The following PCDH15 variants were observed in gnomAD, a reference collection of about 807,000 sequenced individuals.
PCDH15 encodes protocadherin-15.
Under a neutral mutation model 178.5 loss-of-function variants are expected in PCDH15, and 129 were observed. The observed-to-expected ratio is 0.72, with a 90% CI of 0.63 to 0.84. PCDH15 has a LOEUF of 0.84. Ranked by LOEUF, PCDH15 falls within the 40% of genes least tolerant of loss-of-function variation. The probability of loss-of-function intolerance (pLI) is 0.00; values close to 1 mark genes in which losing one functional copy is unlikely to be tolerated. For synonymous variants in PCDH15, 800 were observed against 732.0 expected (o/e 1.09, Z -1.50); for missense variants, 2,230 against 2,099.9 (o/e 1.06, Z -1.21).
rs10628733 is a variant in PCDH15 at position 54,747,806 on chromosome 10, A to ATTTTTT, written c.-29+53113_-29+53118dup. ...AAAAATAAAATCACTCAATGGTTAC[A>ATTTTTT]TTTTTTTTTTTTTTTTTGAGACGGA... On this transcript the variant is annotated intron_variant, in intron 1 of 37. Coordinates refer to ENST00000644397, the MANE Select transcript of PCDH15 (RefSeq NM_001384140.1). Among the ~76,000 whole-genome samples, 216 of 135,552 alleles carry ATTTTTT rather than the reference A, an allele frequency of 1.6e-3. 1 individual carries two copies. Among genetic ancestry groups the ATTTTTT allele is most frequent in the African/African-American group, 4.5e-3 (160 of 35,954 alleles). The allele number at this position is 135,552 out of a possible 152,430, so 88.9% of individuals were successfully genotyped here.
intron 2 of PCDH15, among the ~76,000 whole-genome samples, chr10:55,554,342 T>C (rs1349638502): frequency 1.7e-4 from 26 of 152,084 alleles, no homozygotes; most frequent in Non-Finnish European, 2.9e-5. Flanking sequence ...TTTTTAAATT[T>C]ATTAATAGAC....
At chr10:55,343,775 A>G (rs1294665205) in intron 2 of PCDH15, among the ~76,000 whole-genome samples, 2 of 152,188 alleles carry the variant, frequency 1.3e-5, no homozygotes, top group African/African-American at 4.8e-5. Flanking sequence ...TAACTTATTC[A>G]AACAAGGAAA....
intron 1 of PCDH15, among the ~76,000 whole-genome samples, chr10:55,169,980 G>C (rs888356084): frequency 3.1e-5 from 1 of 32,042 alleles, no homozygotes; most frequent in Non-Finnish European, 5.8e-5. Flanking sequence ...TTTACTGATA[G>C]AATAAAGGAA....
Position 54,242,175 on chromosome 10 carries a change from TATATATATATATAC to T in PCDH15, c.877-5258_877-5245del, listed in dbSNP as rs1564769886. ...ATATATATATATATATATATATATA[TATATATATATATAC>T]ACACACACACATACATACATACACA... On this transcript the variant is annotated intron_variant, in intron 8 of 37. Transcript: ENST00000644397. 4.9e-3 allele frequency among the ~76,000 whole-genome samples: 435 copies of T among 89,494 alleles called. 13 individuals are homozygous for T. The highest frequency in any genetic ancestry group is 0.014 in the African/African-American group (274 of 20,284). The allele number at this position is 89,494 out of a possible 152,430, so 58.7% of individuals were successfully genotyped here.
intron 30 of PCDH15, 121 bp downstream of exon 30, chr10:53,831,194 T>C (rs751214120): frequency 3.3e-6 from 3 of 912,514 alleles, no homozygotes; most frequent in Non-Finnish European, 5.5e-6. Flanking sequence ...GACAGACAGA[T>C]AAAGCAATCT....
intron 29 of PCDH15, among the ~76,000 whole-genome samples, chr10:53,832,947 C>G (rs1031511726): frequency 6.6e-6 from 1 of 151,810 alleles, no homozygotes; most frequent in Non-Finnish European, 1.5e-5. Flanking sequence ...TTTTTTTAAA[C>G]AGATACGCTT....
chr10:54,527,591 A>G (rs2083475740), intron 3 of PCDH15, among the ~76,000 whole-genome samples: 1 of 152,110 alleles, frequency 6.6e-6, no homozygotes, highest in South Asian at 2.1e-4. Flanking sequence ...TTAAACCAAA[A>G]CTAAATATTT....
intron 1 of PCDH15, among the ~76,000 whole-genome samples, chr10:55,318,281 C>A (rs1250620777): frequency 6.6e-6 from 1 of 151,934 alleles, no homozygotes; most frequent in Non-Finnish European, 1.5e-5. Flanking sequence ...GTGTGGATAT[C>A]AATGAGCTCA....
At chr10:55,492,586 T>G (rs961774343) in intron 2 of PCDH15, among the ~76,000 whole-genome samples, 1 of 151,672 alleles carries the variant, frequency 6.6e-6, no homozygotes, top group Non-Finnish European at 1.5e-5. Context: ...TCTGGATCAG[T>G]GAGTAGAGGT....
chr10:54,996,929 T>C (rs917246954), intron 2 of PCDH15, among the ~76,000 whole-genome samples: 1 of 151,780 alleles, frequency 6.6e-6, no homozygotes, highest in African/African-American at 2.4e-5. Flanking sequence ...GCCAACATGG[T>C]GAAACTCTGT....
chr10:53,806,913 C>A lies in PCDH15; in HGVS notation c.4889G>T (p.Arg1630Leu). Reference protein sequence around the residue: ...TDNLKVASPVRLGGPFKKLDK... With the variant: ...TDNLKVASPVLLGGPFKKLDK... ...TAGTTTCTTAAAGGGCCCTCCCAGT[C>A]GAACAGGGGAAGCAACTTTTAAGTT... The change falls in exon 38 of 38, where the codon CGA (arginine) becomes CTA (leucine). Residue 1630 changes from arginine (R) to leucine (L), a missense_variant. Arg to Leu is a moderately radical substitution (Grantham distance 102, BLOSUM62 -2). Coordinates refer to ENST00000644397, the MANE Select transcript of PCDH15 (RefSeq NM_001384140.1). 1 of 1,613,838 alleles carries A rather than the reference C, an allele frequency of 6.2e-7. No individual in the cohort carries two copies. The highest frequency in any genetic ancestry group is 8.5e-7 in the Non-Finnish European group (1 of 1,179,834).
intron 2 of PCDH15, among the ~76,000 whole-genome samples, chr10:55,500,662 C>T (rs149903677): frequency 2.4e-4 from 36 of 151,816 alleles, no homozygotes; most frequent in Non-Finnish European, 4.9e-4. Context: ...CCTGATCATC[C>T]ATATGGAATT....
At chr10:55,214,760 T>C (rs1840658622) in intron 1 of PCDH15, among the ~76,000 whole-genome samples, 1 of 151,958 alleles carries the variant, frequency 6.6e-6, no homozygotes, top group Non-Finnish European at 1.5e-5. Context: ...CAAAGGTACA[T>C]ACCACTATGC....
At chr10:54,649,815 G>A (rs1001686354) in intron 2 of PCDH15, among the ~76,000 whole-genome samples, 1 of 152,076 alleles carries the variant, frequency 6.6e-6, no homozygotes, top group South Asian at 2.1e-4. Flanking sequence ...TTGTCCCCAC[G>A]TCATTGACCA....
chr10:55,582,628 A>ATATATATATATATTT (rs780312007), intron 2 of PCDH15, among the ~76,000 whole-genome samples: 4 of 69,042 alleles, frequency 5.8e-5, no homozygotes, highest in African/African-American at 2.7e-4. Flanking sequence ...ATATATATAT[A>ATATATATATATATTT]TTTTTTTTTT....
chr10:54,093,288 CT>C lies in PCDH15; in HGVS notation c.1918-3226del, dbSNP rs533386533. On this transcript the variant is annotated intron_variant, in intron 15 of 37. Transcript: ENST00000644397. ...TTAAAAGAAAATTCTTATTTGATTC[CT>C]TTCTTCATTTTTATCTTTTCACACA... Among the ~76,000 whole-genome samples the C allele has an allele frequency of 3.6e-3, 553 of 152,220 alleles. 4 individuals are homozygous for C. Among genetic ancestry groups the C allele is most frequent in the Non-Finnish European group, 3.6e-3 (247 of 67,972 alleles).
At chr10:54,598,323 CA>C (rs1362511876) in intron 2 of PCDH15, among the ~76,000 whole-genome samples, 4 of 152,000 alleles carry the variant, frequency 2.6e-5, no homozygotes, top group African/African-American at 9.7e-5. Context: ...GTTCAATATA[CA>C]AAAACCAATA....
intron 2 of PCDH15, among the ~76,000 whole-genome samples, chr10:55,363,238 T>C (rs1845272474): frequency 6.6e-6 from 1 of 152,208 alleles, no homozygotes; most frequent in East Asian, 1.9e-4. Flanking sequence ...TTTTAATAGC[T>C]CTTTCCATGT....
At chr10:54,463,809 G>GA (rs200625230) in intron 3 of PCDH15, among the ~76,000 whole-genome samples, 25 of 148,758 alleles carry the variant, frequency 1.7e-4, no homozygotes, top group Middle Eastern at 3.4e-3. Flanking sequence ...TAGGGCTAGA[G>GA]AAAAAAAAAG....
Sources: allele counts gnomAD v4.1 joint callset (sites outside exome capture counted in the v4.1 genomes callset), GRCh38; gene constraint gnomAD v4.1.1; transcripts MANE v1.5; gene names NCBI Gene and HGNC (gene_info 2026-07-23, HGNC 2026-07-21).